Variants in OPCML observed in about 807,000 individuals in gnomAD.
OPCML encodes the protein opioid-binding protein/cell adhesion molecule.
In OPCML, 13 loss-of-function variants were observed where a neutral mutation model predicts 37.8. The observed-to-expected ratio is 0.34, with a 90% confidence interval of 0.22 to 0.55. The LOEUF (loss-of-function observed/expected upper bound fraction) is 0.55. Ranked by LOEUF, OPCML falls within the 20% of genes least tolerant of loss-of-function variation. The pLI, the probability that OPCML is intolerant of heterozygous loss-of-function variation, is 0.91. For synonymous variants in OPCML, 176 were observed against 168.8 expected (o/e 1.04, Z -0.33); for missense variants, 341 against 435.6 (o/e 0.78, Z 1.93).
chr11:132,887,567 AG>A (rs1290923990), intron 2 of OPCML, among the ~76,000 whole-genome samples: 1 of 152,208 alleles, frequency 6.6e-6, no homozygotes, highest in Non-Finnish European at 1.5e-5. Context: ...CTAGTACAAT[AG>A]GCACGTTTCT....
chr11:132,578,890 C>T (rs2096456442), intron 3 of OPCML, among the ~76,000 whole-genome samples: 2 of 152,054 alleles, frequency 1.3e-5, no homozygotes, highest in African/African-American at 2.4e-5. Context: ...TTGGGTTTTA[C>T]CCTCTGGAGA....
chr11:133,057,981 T>C (rs1326207473), intron 1 of OPCML, among the ~76,000 whole-genome samples: 1 of 152,270 alleles, frequency 6.6e-6, no homozygotes, highest in Non-Finnish European at 1.5e-5. Flanking sequence ...TAGTGCGTTA[T>C]CTGCCTTCCG....
At chr11:133,253,761 G>T (rs537559297) in intron 1 of OPCML, among the ~76,000 whole-genome samples, 3 of 152,094 alleles carry the variant, frequency 2.0e-5, no homozygotes, top group Admixed American at 2.0e-4. Flanking sequence ...CAAGTTAAGT[G>T]CAGGGAAGCA....
At chr11:133,440,871 G>GA (rs1254157876) in intron 1 of OPCML, among the ~76,000 whole-genome samples, 3 of 148,070 alleles carry the variant, frequency 2.0e-5, no homozygotes, top group African/African-American at 5.0e-5. Flanking sequence ...CTTGGAGCAA[G>GA]AAAAAACAAA....
chr11:133,222,536 C>T (rs1939880999), intron 1 of OPCML, among the ~76,000 whole-genome samples: 1 of 152,164 alleles, frequency 6.6e-6, no homozygotes, highest in African/African-American at 2.4e-5. Context: ...TCGAAGAAGA[C>T]AGTCTGAGCT....
Position 132,769,774 on chromosome 11 carries a change from C to G in OPCML, c.147-112455G>C, listed in dbSNP as rs376040348. Among the ~76,000 whole-genome samples the G allele has an allele frequency of 3.3e-5, 5 of 152,272 alleles. No homozygotes were observed. In the South Asian group the frequency reaches 1.0e-3, roughly 32 times the overall value. On this transcript the variant is annotated intron_variant, in intron 2 of 7. Transcript: ENST00000524381. ...GCACCGGACCCCTCTTCTTTTATCT[C>G]TGTGGTAGAGACAAACACAACTTAC...
intron 2 of OPCML, among the ~76,000 whole-genome samples, chr11:132,764,998 G>A (rs768293149): frequency 1.9e-4 from 29 of 152,180 alleles, no homozygotes; most frequent in Non-Finnish European, 4.0e-4. Context: ...TTTCCCCCTT[G>A]CATTTGATTG....
intron 1 of OPCML, chr11:133,004,010 T>G: frequency 2.0e-6 from 2 of 985,240 alleles, no homozygotes; most frequent in Non-Finnish European, 2.4e-6. Flanking sequence ...GTGGCACACG[T>G]CTCTCACCGC....
chr11:132,622,572 A>AG (rs1299108113), intron 3 of OPCML, among the ~76,000 whole-genome samples: 1 of 152,158 alleles, frequency 6.6e-6, no homozygotes, highest in Non-Finnish European at 1.5e-5. Context: ...GTGGGTCAGG[A>AG]GGCCTCTTCA....
rs564779819 is a variant in OPCML at position 132,835,006 on chromosome 11, A to G, written c.146+107920T>C. 7.1e-3 allele frequency among the ~76,000 whole-genome samples: 1,039 copies of G among 146,832 alleles called. 13 individuals carry two copies. The highest frequency in any genetic ancestry group is 0.024 in the African/African-American group (957 of 39,738). On this transcript the variant is annotated intron_variant, in intron 2 of 7. Transcript: ENST00000524381. ...CACTTTGTAAAAAAAAAAAAAAAAC[A>G]TGGAAAGGAGGGGGACCACCAGCTT...
At chr11:132,678,236 GACA>G (rs1463028187) in intron 2 of OPCML, among the ~76,000 whole-genome samples, 5 of 152,100 alleles carry the variant, frequency 3.3e-5, no homozygotes, top group Admixed American at 6.6e-5. Context: ...CCAGAACACT[GACA>G]ACAACAAATG....
intron 1 of OPCML, among the ~76,000 whole-genome samples, chr11:133,372,144 C>G (rs1485823121): frequency 6.6e-6 from 1 of 152,104 alleles, no homozygotes; most frequent in Non-Finnish European, 1.5e-5. Context: ...AGCAACAATG[C>G]ATTGTATATT....
At chr11:133,108,292 T>C (rs927136560) in intron 1 of OPCML, among the ~76,000 whole-genome samples, 1 of 152,164 alleles carries the variant, frequency 6.6e-6, no homozygotes, top group Non-Finnish European at 1.5e-5. Flanking sequence ...TAGAAGGGTG[T>C]TGTTGTTCTT....
chr11:132,995,997 A>G (rs148763066), intron 1 of OPCML, among the ~76,000 whole-genome samples: 126 of 152,288 alleles, frequency 8.3e-4, no homozygotes, highest in African/African-American at 2.9e-3. Context: ...TTTAGAGTCC[A>G]TGGTGGATGG....
At chr11:133,004,452 G>A (rs1947068279) in intron 1 of OPCML, 1 of 985,366 alleles carries the variant, frequency 1.0e-6, no homozygotes, top group East Asian at 1.1e-4. Flanking sequence ...GCATGTGGAG[G>A]CTGAGGTGTG....
At chr11:133,045,337 T>C (rs1947986516) in intron 1 of OPCML, among the ~76,000 whole-genome samples, 1 of 152,200 alleles carries the variant, frequency 6.6e-6, no homozygotes, top group African/African-American at 2.4e-5. Context: ...TGGTCTTCGC[T>C]AGCTCTATTG....
In OPCML at chr11:132,441,231, G is replaced by C. The variant is rs546063289; in HGVS notation, c.506-3872C>G. Among the ~76,000 whole-genome samples the C allele has an allele frequency of 1.4e-3, 190 of 133,116 alleles. 3 individuals are homozygous for C. Among genetic ancestry groups the C allele is most frequent in the African/African-American group, 5.1e-3 (162 of 31,580 alleles). The allele number at this position is 133,116 out of a possible 152,430, so 87.3% of individuals were successfully genotyped here. ...CGCCCAGGCTGGAGTGCAGTGGCGG[G>C]ATCTCGGCTCACTGCAAGCTCCGCC... On this transcript the variant is annotated intron_variant, in intron 4 of 7. Transcript: ENST00000524381.
intron 2 of OPCML, among the ~76,000 whole-genome samples, chr11:132,928,311 A>C (rs1337213624): frequency 6.6e-6 from 1 of 152,012 alleles, no homozygotes; most frequent in East Asian, 1.9e-4. Context: ...AATAGTAAAC[A>C]AAAGAGACCA....
intron 1 of OPCML, among the ~76,000 whole-genome samples, chr11:133,256,740 T>G (rs1314432503): frequency 6.6e-6 from 1 of 152,354 alleles, no homozygotes; most frequent in South Asian, 2.1e-4. Context: ...AGCTTTAAAT[T>G]AGAAAGTAAT....
Sources: gnomAD v4.1 joint callset for allele counts (sites outside exome capture counted in the v4.1 genomes callset) on GRCh38, gnomAD v4.1.1 for gene constraint, MANE v1.5 for transcripts, NCBI Gene and HGNC (gene_info 2026-07-23, HGNC 2026-07-21) for gene names.